The following ATP2A3 variants were observed in gnomAD, a reference collection of about 807,000 sequenced individuals.
The protein encoded by ATP2A3 is sarcoplasmic/endoplasmic reticulum calcium ATPase 3.
ATP2A3 carries 61 observed loss-of-function variants against 106.8 expected under a neutral mutation model. That is an observed-to-expected ratio of 0.57 (90% CI 0.46 to 0.71). The LOEUF (loss-of-function observed/expected upper bound fraction) is 0.71, where lower values mean the gene tolerates loss of function less well. Ranked by LOEUF, ATP2A3 falls within the 30% of genes least tolerant of loss-of-function variation. The pLI, the probability that ATP2A3 is intolerant of heterozygous loss-of-function variation, is 0.00. For missense variants in ATP2A3, 1,201 were observed against 1,423.5 expected, an observed-to-expected ratio of 0.84 and a Z score of 2.52; for synonymous variants, 611 against 609.3, an observed-to-expected ratio of 1.00 and a Z score of -0.04.
At position 3,950,615 on chromosome 17, in the gene ATP2A3, A is replaced by G. The variant is rs2054359438; in HGVS notation, c.545-19T>C. On this transcript the variant is annotated intron_variant, in intron 6 of 20. Coordinates refer to ENST00000397041, the MANE Select transcript of ATP2A3 (RefSeq NM_005173.4). ...GATTCACCTGGTCAGGGAATCAGAG[A>G]TGAGAAGCCCCACATGAAGACACGC... 2 of 1,613,896 alleles carry G rather than the reference A, an allele frequency of 1.2e-6. No homozygotes were observed. Among genetic ancestry groups the G allele is most frequent in the Non-Finnish European group, 1.7e-6 (2 of 1,179,958 alleles).
At chr17:3,933,150 G>A (rs9901705) in intron 17 of ATP2A3, among the ~76,000 whole-genome samples, 1,952 of 147,644 alleles carry the variant, frequency 0.013, 117 homozygotes, top group African/African-American at 0.046. Context: ...GCATGATGGC[G>A]GGTGCCTGTA....
intron 7 of ATP2A3, among the ~76,000 whole-genome samples, chr17:3,948,201 A>G (rs867605769): frequency 8.5e-5 from 13 of 152,234 alleles, no homozygotes; most frequent in Admixed American, 2.6e-4. Context: ...AACAATCACT[A>G]TAGCCACACA....
rs1490933392 is a variant in ATP2A3 at position 3,924,694 on chromosome 17, G to A, written c.*728C>T. On this transcript the variant is annotated 3_prime_UTR_variant, in exon 21 of 21. Transcript: ENST00000397041. The surrounding 1 kb of genome is among the most constrained non-coding windows in gnomAD (Gnocchi z 6.4). ...AGTCCAGGAGGCGCGCGGGGCTGAG[G>A]CAGTCCAGCCAGGCTTTCCCGACTT... 1.1e-5 allele frequency: 5 copies of A among 454,730 alleles called. No homozygotes were observed. Among genetic ancestry groups the A allele is most frequent in the Non-Finnish European group, 1.8e-5 (4 of 226,328 alleles). The allele number at this position is 454,730 out of a possible 1,614,324, so 28.2% of individuals were successfully genotyped here. A position where few individuals can be genotyped will look rare whatever the true frequency, so the allele number is the denominator to read the frequency against.
chr17:3,941,587 G>A lies in ATP2A3; in HGVS notation c.1613C>T (p.Thr538Ile). ...VRVGSRTAPL[T>I]PTSREQILAK... ...CAGGATCTGCTCCCTGGAGGTGGGG[G>A]TCAGGGGTGCTGTGCGGCTCCCCAC... The change falls in exon 13 of 21, where the codon ACC (threonine) becomes ATC (isoleucine). Residue 538 changes from threonine to isoleucine, a missense_variant. Physicochemically the swap from Thr to Ile is moderately conservative, Grantham distance 89 (BLOSUM62 -1). Transcript: ENST00000397041. 6.2e-7 allele frequency: 1 copy of A among 1,613,090 alleles called. No individual in the cohort carries two copies. The highest frequency in any genetic ancestry group is 8.5e-7 in the Non-Finnish European group (1 of 1,180,032).
intron 1 of ATP2A3, among the ~76,000 whole-genome samples, chr17:3,963,173 G>A (rs962923594): frequency 1.3e-5 from 2 of 152,204 alleles, no homozygotes; most frequent in African/African-American, 2.4e-5. Context: ...GGATCCCAGG[G>A]CTAGAATACC....
Position 3,958,867 on chromosome 17 carries a change from T to C in ATP2A3, c.119-5157A>G, listed in dbSNP as rs867171073. On this transcript the variant is annotated intron_variant, in intron 1 of 20. Coordinates refer to ENST00000397041, the MANE Select transcript of ATP2A3 (RefSeq NM_005173.4). Reference sequence around the variant, plus strand: ...ATATATAAATATATATATATATATATATACACACACACACACACACATATA... The same window carrying C: ...ATATATAAATATATATATATATATACATACACACACACACACACACATATA... Among the ~76,000 whole-genome samples, 20 of 102,526 alleles carry C rather than the reference T, an allele frequency of 2.0e-4. 1 individual carries two copies. The highest frequency in any genetic ancestry group is 7.4e-4 in the African/African-American group (15 of 20,218). The allele number at this position is 102,526 out of a possible 152,430, so 67.3% of individuals were successfully genotyped here.
intron 10 of ATP2A3, among the ~76,000 whole-genome samples, chr17:3,944,071 C>T (rs547615567): frequency 6.6e-6 from 1 of 152,274 alleles, no homozygotes; most frequent in East Asian, 1.9e-4. Flanking sequence ...TACCTTCTCC[C>T]CTCTCCCCAA....
At position 3,951,179 on chromosome 17, in the gene ATP2A3, TAAATAAATAAATAAATA is replaced by T. The variant is rs1246096434; in HGVS notation, c.463+55_463+71del. 2.0e-4 allele frequency: 224 copies of T among 1,108,802 alleles called. 2 individuals carry two copies. Among genetic ancestry groups the T allele is most frequent in the Middle Eastern group, 1.4e-3 (4 of 2,760 alleles). The allele number at this position is 1,108,802 out of a possible 1,614,324, so 68.7% of individuals were successfully genotyped here. ...CAGAGCACGACTCCATCTCAAAAAA[TAAATAAATAAATAAATA>T]AAATAAATAAATAAATAAAATAAAA... is the stretch of plus-strand genomic sequence containing the variant. On this transcript the variant is annotated intron_variant, in intron 5 of 20. Transcript: ENST00000397041.
In ATP2A3 at chr17:3,926,019, G is replaced by C. The variant is rs1326309928; in HGVS notation, c.2981-578C>G. 2.0e-5 allele frequency among the ~76,000 whole-genome samples: 3 copies of C among 151,226 alleles called. No homozygotes were observed. Among genetic ancestry groups the C allele is most frequent in the Non-Finnish European group, 4.4e-5 (3 of 67,808 alleles). ...AGCCCGCCTGTAACCTCCCAGATCT[G>C]TCCCCAATACAACCACCACAGCCCA... On this transcript the variant is annotated intron_variant, in intron 20 of 20. Transcript: ENST00000397041. This position sits in a 1 kb window ranked among gnomAD's most constrained non-coding sequence, Gnocchi z 4.6.
intron 3 of ATP2A3, among the ~76,000 whole-genome samples, chr17:3,952,876 G>C (rs1453773231): frequency 1.3e-5 from 2 of 152,214 alleles, no homozygotes; most frequent in Non-Finnish European, 2.9e-5. Context: ...TCAATCATGA[G>C]CTGTCAGGCC....
At position 3,938,064 on chromosome 17, in the gene ATP2A3, A is replaced by G. The variant is rs920160158; in HGVS notation, c.2101-428T>C. Reference sequence around the variant, plus strand: ...TGTAGTCAAGTTGAAGATCAAGGCAAAGGCAGAGGCCAAGTCAAGGTCCAC... The same window carrying G: ...TGTAGTCAAGTTGAAGATCAAGGCAGAGGCAGAGGCCAAGTCAAGGTCCAC... On this transcript the variant is annotated intron_variant, in intron 14 of 20. Coordinates refer to ENST00000397041, the MANE Select transcript of ATP2A3 (RefSeq NM_005173.4). 1.5e-4 allele frequency among the ~76,000 whole-genome samples: 23 copies of G among 152,214 alleles called. 1 individual carries two copies.
Position 3,925,752 on chromosome 17 carries a change from A to C in ATP2A3, c.2981-311T>G, listed in dbSNP as rs2052675166. 6.6e-6 allele frequency among the ~76,000 whole-genome samples: 1 copy of C among 152,032 alleles called. No individual in the cohort carries two copies. The highest frequency in any genetic ancestry group is 2.4e-5 in the African/African-American group (1 of 41,374). ...CCCATTATCGTAAGGTTCAGACACCAGGCTCATCCTTGCTTCTCTTGCCCA... is the reference window on the plus strand; with the variant it reads ...CCCATTATCGTAAGGTTCAGACACCCGGCTCATCCTTGCTTCTCTTGCCCA... On this transcript the variant is annotated intron_variant, in intron 20 of 20. Coordinates refer to ENST00000397041, the MANE Select transcript of ATP2A3 (RefSeq NM_005173.4). This position sits in a 1 kb window ranked among gnomAD's most constrained non-coding sequence, Gnocchi z 4.2.
In ATP2A3 at chr17:3,964,319, C is replaced by A; in HGVS notation, c.-28G>T. 1.7e-6 allele frequency: 2 copies of A among 1,181,460 alleles called. No individual in the cohort carries two copies. Among genetic ancestry groups the A allele is most frequent in the Non-Finnish European group, 2.1e-6 (2 of 943,272 alleles). 73.2% of individuals were successfully genotyped at this position (1,181,460 alleles called of 1,614,324 possible). A position where few individuals can be genotyped will look rare whatever the true frequency, so the allele number is the denominator to read the frequency against. ...CGCCCGCCCGGCCGTCTGCGCCGTC[C>A]GCACCGTCGAGGCCGCCTCTCCGCC... On this transcript the variant is annotated 5_prime_UTR_variant, in exon 1 of 21. Transcript: ENST00000397041.
At chr17:3,957,210 G>C (rs1294460245) in intron 1 of ATP2A3, among the ~76,000 whole-genome samples, 1 of 152,360 alleles carries the variant, frequency 6.6e-6, no homozygotes, top group Middle Eastern at 3.4e-3. Context: ...CTGGGAAGGA[G>C]GATGCCATTG....
chr17:3,964,125 C>A (rs1234196851), intron 1 of ATP2A3, 49 bp downstream of exon 1: 2 of 1,013,316 alleles, frequency 2.0e-6, no homozygotes, highest in Middle Eastern at 4.2e-4. Flanking sequence ...ACTGAGACTG[C>A]GGCGCGCGCG....
chr17:3,927,820 C>T (rs1217278871), intron 20 of ATP2A3: 11 of 985,302 alleles, frequency 1.1e-5, no homozygotes, highest in African/African-American at 1.7e-5. Flanking sequence ...ATAGTCCCTC[C>T]ACCCACTCCC....
rs76870754 is a variant in ATP2A3 at position 3,946,583 on chromosome 17, A to G, written c.1095+808T>C. On this transcript the variant is annotated intron_variant, in intron 8 of 20. Transcript: ENST00000397041. ...CAAAAAAAAAAATCGCTATTAGTCAAGAAACACTCTGTTTAAATAAAATCC... is the reference window on the plus strand; with the variant it reads ...CAAAAAAAAAAATCGCTATTAGTCAGGAAACACTCTGTTTAAATAAAATCC... 8.9e-4 allele frequency among the ~76,000 whole-genome samples: 136 copies of G among 152,330 alleles called. 1 individual carries two copies. Among genetic ancestry groups the G allele is most frequent in the African/African-American group, 3.2e-3 (134 of 41,558 alleles).
chr17:3,960,771 G>A (rs972026348), intron 1 of ATP2A3, among the ~76,000 whole-genome samples: 8 of 152,164 alleles, frequency 5.3e-5, no homozygotes, highest in Non-Finnish European at 7.3e-5. Context: ...CCGTTCAGTC[G>A]GCACAACTGC....
rs17846881 is a variant in ATP2A3 at position 3,951,318 on chromosome 17, C to T, written c.396G>A (p.Ser132=). 1.9e-3 allele frequency: 3,074 copies of T among 1,613,920 alleles called. 37 individuals are homozygous for T. The East Asian group carries it at 0.042, about 22-fold the overall frequency. ...GGATCCTCTGCACGCCCTTGCGGTC[C>T]GAGCGGATCACCTTGCCCATCTCAG... ...YEPEMGKVIR[S]DRKGVQRIRA... Residue 132 remains serine, a synonymous_variant, in exon 5 of 21, where the codon TCG becomes TCA. Transcript: ENST00000397041.
Sources: allele counts gnomAD v4.1 joint callset (sites outside exome capture counted in the v4.1 genomes callset), GRCh38; gene constraint gnomAD v4.1.1; non-coding constraint Gnocchi (gnomAD v3.1); transcripts MANE v1.5; gene names NCBI Gene and HGNC (gene_info 2026-07-23, HGNC 2026-07-21).